The following DENND3 variants were observed in gnomAD, a reference collection of about 807,000 sequenced individuals.
DENND3 encodes the protein DENN domain-containing protein 3.
A neutral mutation model predicts 135.1 loss-of-function variants in DENND3; 88 were observed. The ratio of observed to expected loss-of-function variants is 0.65; its 90% CI spans 0.55 to 0.78. DENND3 has a LOEUF of 0.78. Ranked by LOEUF, DENND3 falls within the 30% of genes least tolerant of loss-of-function variation. The probability of loss-of-function intolerance (pLI) is 0.00; values close to 1 mark genes in which losing one functional copy is unlikely to be tolerated. For missense variants in DENND3, 1,392 were observed against 1,688.4 expected, an observed-to-expected ratio of 0.82 and a Z score of 3.08; for synonymous variants, 693 against 712.3, an observed-to-expected ratio of 0.97 and a Z score of 0.43.
rs973021758 is a variant in DENND3, at chr8:141,175,046, CCTT to C, written c.2276-151_2276-149del. ...GGGCTGCAGGGAAGGCCCTGGGAAA[CCTT>C]CTAGGCAGTTTCCATCCAGCGCCCT... On this transcript the variant is annotated intron_variant, in intron 13 of 22. Coordinates refer to ENST00000519811, the MANE Select transcript of DENND3 (RefSeq NM_001352890.3). The surrounding 1 kb of genome is among the most constrained non-coding windows in gnomAD (Gnocchi z 5.4). 5.3e-5 allele frequency among the ~76,000 whole-genome samples: 8 copies of C among 152,154 alleles called. No homozygotes were observed. Among genetic ancestry groups the C allele is most frequent in the African/African-American group, 1.4e-4 (6 of 41,432 alleles).
In DENND3 at chr8:141,128,806, G is replaced by A; in HGVS notation, c.99G>A (p.Glu33=). The change falls in exon 1 of 23, where the codon GAG becomes GAA. Residue 33 remains glutamate, a synonymous_variant. Coordinates refer to ENST00000519811, the MANE Select transcript of DENND3 (RefSeq NM_001352890.3). The surrounding 1 kb of genome is among the most constrained non-coding windows in gnomAD (Gnocchi z 4.5). ...CCCGGGACAGTCTCCGAAGTCTCGA[G>A]CAGGTGAGGGGCGGGGAAACTGAGG... ...GAPRDSLRSL[E]QVAYKKGVKH... 3.5e-6 allele frequency: 5 copies of A among 1,435,764 alleles called. No homozygotes were observed. Among genetic ancestry groups the A allele is most frequent in the Non-Finnish European group, 4.6e-6 (5 of 1,090,314 alleles). 88.9% of individuals were successfully genotyped at this position (1,435,764 alleles called of 1,614,324 possible).
At chr8:141,173,113 C>T (rs2154613273) in intron 13 of DENND3, among the ~76,000 whole-genome samples, 1 of 130,428 alleles carries the variant, frequency 7.7e-6, no homozygotes. Context: ...ATCTTAGGTA[C>T]AGAGTCAGGA....
chr8:141,159,133 A>T (rs1412479306), intron 8 of DENND3, among the ~76,000 whole-genome samples: 2 of 152,208 alleles, frequency 1.3e-5, no homozygotes, highest in Non-Finnish European at 2.9e-5. Flanking sequence ...CTGGCCCCTC[A>T]GCAGCTGCTG....
intron 20 of DENND3, among the ~76,000 whole-genome samples, chr8:141,190,944 T>C (rs1368750587): frequency 6.6e-6 from 1 of 152,248 alleles, no homozygotes; most frequent in Non-Finnish European, 1.5e-5. Context: ...TCTGCATTTC[T>C]GGACGCCCCA....
chr8:141,145,853 AT>A (rs1398317725), intron 5 of DENND3, among the ~76,000 whole-genome samples: 1,006 of 85,722 alleles, frequency 0.012, 11 homozygotes, highest in Non-Finnish European at 0.017. Context: ...ATATATATGT[AT>A]TTTTTTTTTT....
chr8:141,189,191 G>A, intron 19 of DENND3, 45 bp downstream of exon 19: 7 of 1,613,168 alleles, frequency 4.3e-6, no homozygotes, highest in Non-Finnish European at 5.9e-6. Context: ...TGGCTTGTGG[G>A]TGGGCAGAAG....
chr8:141,176,133 G>C (rs1822304772), intron 14 of DENND3: 1 of 186,612 alleles, frequency 5.4e-6, no homozygotes, highest in African/African-American at 2.4e-5. Flanking sequence ...GCAGCCCATA[G>C]TAAATGCTCG....
At chr8:141,185,741 G>A (rs1191815509) in intron 18 of DENND3, among the ~76,000 whole-genome samples, 1 of 151,686 alleles carries the variant, frequency 6.6e-6, no homozygotes, top group Non-Finnish European at 1.5e-5. Flanking sequence ...TGGTAGGATC[G>A]CTGAGCCTGG....
intron 22 of DENND3, 173 bp downstream of exon 22, chr8:141,192,836 A>T: frequency 6.5e-7 from 1 of 1,544,976 alleles, no homozygotes; most frequent in Non-Finnish European, 8.7e-7. Flanking sequence ...CCCACAGGTC[A>T]CCATGTGCTG....
At chr8:141,192,977 C>CCTCGGGGG (rs1319593372) in intron 22 of DENND3, 1 of 1,164,714 alleles carries the variant, frequency 8.6e-7, no homozygotes, top group East Asian at 4.3e-5. Flanking sequence ...GAGCCGCTTC[C>CCTCGGGGG]CTCGGGGGCT....
intron 4 of DENND3, chr8:141,142,563 G>A (rs1276205773): frequency 5.8e-6 from 2 of 346,038 alleles, no homozygotes; most frequent in Non-Finnish European, 5.7e-6. Context: ...TTTGGGTCTA[G>A]CCTACATTTT....
At chr8:141,176,865 G>A (rs933448186) in intron 15 of DENND3, 104 bp downstream of exon 15, 167 of 1,289,882 alleles carry the variant, frequency 1.3e-4, no homozygotes, top group Middle Eastern at 2.8e-4. Context: ...CTCGGGCTCG[G>A]GTCTGAGTGT....
intron 2 of DENND3, 31 bp downstream of exon 2, chr8:141,136,822 C>T (rs1403445083): frequency 6.6e-7 from 1 of 1,506,054 alleles, no homozygotes; most frequent in Non-Finnish European, 8.9e-7. Flanking sequence ...CCACTGGGCG[C>T]CTCCTGCTGC....
chr8:141,170,782 C>T (rs1404708768), intron 13 of DENND3, among the ~76,000 whole-genome samples: 1 of 152,236 alleles, frequency 6.6e-6, no homozygotes, highest in Non-Finnish European at 1.5e-5. Context: ...GAGTCCAGGG[C>T]ATGCATGGAG....
In DENND3 at chr8:141,163,411, C is replaced by T. The variant is rs756812629; in HGVS notation, c.1431C>T (p.Asp477=). The change falls in exon 10 of 23, where the codon GAC becomes GAT. Residue 477 remains aspartate (D), a synonymous_variant. Transcript: ENST00000519811. ...EEFLKTRAPG[D]HQFYKQVLDT... Reference sequence around the variant, plus strand: ...TTCTCAAAACCAGGGCTCCAGGGGACCATCAGTTTTATAAGCAGGTGAGAG... The same window carrying T: ...TTCTCAAAACCAGGGCTCCAGGGGATCATCAGTTTTATAAGCAGGTGAGAG... The T allele has an allele frequency of 3.7e-6, 6 of 1,612,044 alleles. No individual in the cohort carries two copies. Among genetic ancestry groups the T allele is most frequent in the African/African-American group, 2.7e-5 (2 of 74,854 alleles).
chr8:141,187,483 G>A (rs976205454), intron 18 of DENND3, among the ~76,000 whole-genome samples: 7 of 151,984 alleles, frequency 4.6e-5, no homozygotes, highest in Admixed American at 2.0e-4. Flanking sequence ...CCTCGGCCCC[G>A]CCAAAGTGCT....
chr8:141,194,117 A>G lies in DENND3; in HGVS notation c.3721A>G (p.Lys1241Glu), dbSNP rs1208253970. 3 of 1,613,882 alleles carry G rather than the reference A, an allele frequency of 1.9e-6. No homozygotes were observed. Among genetic ancestry groups the G allele is most frequent in the Non-Finnish European group, 2.5e-6 (3 of 1,179,982 alleles). ...VIDAERKTVE[K>E]ELVAHMDTVR... ...TGACGCCGAGAGGAAGACCGTGGAG[A>G]AGGAGCTGGTGGCGCACATGGACAC... Residue 1241 changes from lysine to glutamate, a missense_variant, in exon 23 of 23, where the codon AAG (lysine) becomes GAG (glutamate). By Grantham distance (56) the Lys-to-Glu change is moderately conservative. Transcript: ENST00000519811.
At chr8:141,143,294 T>A (rs567887984) in intron 4 of DENND3, among the ~76,000 whole-genome samples, 5 of 152,358 alleles carry the variant, frequency 3.3e-5, no homozygotes, top group Non-Finnish European at 7.3e-5. Flanking sequence ...TATTATACTT[T>A]AAGTTCTAGG....
chr8:141,130,168 T>C lies in DENND3; in HGVS notation c.102+1359T>C, dbSNP rs1157964128. Among the ~76,000 whole-genome samples, 3 of 152,206 alleles carry C rather than the reference T, an allele frequency of 2.0e-5. No individual in the cohort carries two copies. The highest frequency in any genetic ancestry group is 7.2e-5 in the African/African-American group (3 of 41,468). On this transcript the variant is annotated intron_variant, in intron 1 of 22. Transcript: ENST00000519811. This position sits in a 1 kb window ranked among gnomAD's most constrained non-coding sequence, Gnocchi z 4.2. ...AGTTGCTTGGTGTGACACATGTCTT[T>C]TGAGGGCAGGGCGAATCAACTGGAA...
Sources: gnomAD v4.1 joint callset for allele counts (sites outside exome capture counted in the v4.1 genomes callset) on GRCh38, gnomAD v4.1.1 for gene constraint, Gnocchi (gnomAD v3.1) non-coding constraint, MANE v1.5 for transcripts, NCBI Gene and HGNC (gene_info 2026-07-23, HGNC 2026-07-21) for gene names.